NMNAT2: variants seen among roughly 807,000 people sequenced by gnomAD.
The protein encoded by NMNAT2 is nicotinamide nucleotide adenylyltransferase 2.
Under a neutral mutation model 41.6 loss-of-function variants are expected in NMNAT2, and 11 were observed. The observed-to-expected ratio is 0.26, with a 90% CI of 0.17 to 0.44. The LOEUF is 0.44. NMNAT2 is among the 20% of genes least tolerant of loss of function. The pLI is 1.00. For synonymous variants in NMNAT2, 148 were observed against 151.2 expected, an observed-to-expected ratio of 0.98 and a Z score of 0.16; for missense variants, 288 against 407.7, an observed-to-expected ratio of 0.71 and a Z score of 2.53.
At chr1:183,403,058 T>G (rs1229220736) in intron 1 of NMNAT2, among the ~76,000 whole-genome samples, 2 of 151,880 alleles carry the variant, frequency 1.3e-5, no homozygotes, top group African/African-American at 4.8e-5. Flanking sequence ...CTCAGCCTCC[T>G]GAATAGCTGG....
At chr1:183,320,708 C>G (rs1354322275) in intron 1 of NMNAT2, among the ~76,000 whole-genome samples, 7 of 152,176 alleles carry the variant, frequency 4.6e-5, no homozygotes, top group Non-Finnish European at 1.0e-4. Flanking sequence ...TATGTTTTAC[C>G]TGGGTTACAC....
At chr1:183,281,409 C>T (rs1243241122) in intron 7 of NMNAT2, among the ~76,000 whole-genome samples, 1 of 152,160 alleles carries the variant, frequency 6.6e-6, no homozygotes, top group East Asian at 1.9e-4. Flanking sequence ...ACATCTGTTC[C>T]CAAATGTCAA....
intron 1 of NMNAT2, among the ~76,000 whole-genome samples, chr1:183,415,003 G>T (rs1344937929): frequency 1.3e-5 from 2 of 152,098 alleles, no homozygotes; most frequent in Admixed American, 1.3e-4. Flanking sequence ...TTAAGGCAGA[G>T]TCTGGCTGTA....
chr1:183,332,576 G>A (rs2102339546), intron 1 of NMNAT2, among the ~76,000 whole-genome samples: 1 of 152,256 alleles, frequency 6.6e-6, no homozygotes, highest in South Asian at 2.1e-4. Flanking sequence ...GGAACACATG[G>A]GTTGAAAGTG....
At chr1:183,275,752 A>C (rs1661106649) in intron 8 of NMNAT2, among the ~76,000 whole-genome samples, 1 of 152,088 alleles carries the variant, frequency 6.6e-6, no homozygotes, top group African/African-American at 2.4e-5. Context: ...AGCTCACTGC[A>C]ATCTCTGCCT....
intron 1 of NMNAT2, among the ~76,000 whole-genome samples, chr1:183,300,770 C>G (rs1386179333): frequency 6.6e-6 from 1 of 152,226 alleles, no homozygotes; most frequent in Non-Finnish European, 1.5e-5. Context: ...CAGTGGCAAG[C>G]AAGCTGGAGG....
intron 10 of NMNAT2, among the ~76,000 whole-genome samples, chr1:183,258,019 T>G (rs1660564338): frequency 6.6e-6 from 1 of 152,228 alleles, no homozygotes; most frequent in Admixed American, 6.5e-5. Context: ...CCTTAGTTTA[T>G]CCTTTTGGGT....
intron 1 of NMNAT2, among the ~76,000 whole-genome samples, chr1:183,357,538 C>A (rs1663222467): frequency 6.6e-6 from 1 of 152,094 alleles, no homozygotes; most frequent in African/African-American, 2.4e-5. Flanking sequence ...TGAGAGATAT[C>A]AAATTCAATA....
intron 1 of NMNAT2, among the ~76,000 whole-genome samples, chr1:183,338,149 T>TAAAAAAAAAAA (rs59064477): frequency 2.3e-4 from 22 of 96,386 alleles, no homozygotes; most frequent in Admixed American, 5.3e-4. Flanking sequence ...CCCATCTCTT[T>TAAAAAAAAAAA]AAAAAAAAAA....
intron 1 of NMNAT2, among the ~76,000 whole-genome samples, chr1:183,314,787 G>C (rs1662204136): frequency 6.6e-6 from 1 of 152,200 alleles, no homozygotes; most frequent in Admixed American, 6.5e-5. Flanking sequence ...GCTGAGGCAG[G>C]AGCCTTCCTT....
rs149158338 is a variant in NMNAT2, at chr1:183,398,077, A to T, written c.85+20106T>A. ...ACATAACAACATTAACCTTAAATGT[A>T]AATGAGCTAAATGCTCCAATTAAAA... On this transcript the variant is annotated intron_variant, in intron 1 of 10. Coordinates refer to ENST00000287713, the MANE Select transcript of NMNAT2 (RefSeq NM_015039.4). Among the ~76,000 whole-genome samples the T allele has an allele frequency of 8.9e-4, 135 of 152,370 alleles. No homozygotes were observed. In the East Asian group the frequency reaches 0.02, roughly 23 times the overall value.
chr1:183,389,845 G>GAAAGA (rs1648413024), intron 1 of NMNAT2, among the ~76,000 whole-genome samples: 1 of 43,946 alleles, frequency 2.3e-5, no homozygotes, highest in Non-Finnish European at 4.5e-5. Flanking sequence ...AGAAAGAAAG[G>GAAAGA]AAAAAAGAGA....
intron 1 of NMNAT2, among the ~76,000 whole-genome samples, chr1:183,386,949 A>T (rs926907870): frequency 6.6e-6 from 1 of 152,108 alleles, no homozygotes; most frequent in Non-Finnish European, 1.5e-5. Flanking sequence ...TTTGCTCTGG[A>T]AAACTATTAA....
rs1261135652 is a variant in NMNAT2, at chr1:183,293,812, C to A, written c.86-19G>T. ...GCTCTTTCTAATTAAGAGAAGAAACCCACACATTATAAAGAGGAAAGGCAT... is the reference window on the plus strand; with the variant it reads ...GCTCTTTCTAATTAAGAGAAGAAACACACACATTATAAAGAGGAAAGGCAT... On this transcript the variant is annotated intron_variant, in intron 1 of 10. Transcript: ENST00000287713. The A allele has an allele frequency of 1.3e-6, 2 of 1,560,092 alleles. No individual in the cohort carries two copies. Among genetic ancestry groups the A allele is most frequent in the African/African-American group, 2.7e-5 (2 of 73,940 alleles).
intron 7 of NMNAT2, chr1:183,283,180 G>T (rs1407510524): frequency 6.6e-6 from 1 of 152,226 alleles, no homozygotes; most frequent in African/African-American, 2.4e-5. Flanking sequence ...TACCAGGAAG[G>T]GATGCTTGGA....
chr1:183,316,241 G>A (rs1662247236), intron 1 of NMNAT2, among the ~76,000 whole-genome samples: 1 of 152,170 alleles, frequency 6.6e-6, no homozygotes, highest in South Asian at 2.1e-4. Flanking sequence ...TTTTGGCACA[G>A]GTCATGGAGA....
intron 1 of NMNAT2, among the ~76,000 whole-genome samples, chr1:183,344,711 A>C (rs1662888357): frequency 6.6e-6 from 1 of 152,192 alleles, no homozygotes; most frequent in Non-Finnish European, 1.5e-5. Flanking sequence ...AAAGTCTGGA[A>C]ACACTTCCAG....
intron 1 of NMNAT2, among the ~76,000 whole-genome samples, chr1:183,372,720 GA>G (rs562255246): frequency 2.8e-4 from 43 of 152,280 alleles, no homozygotes; most frequent in African/African-American, 1.0e-3. Flanking sequence ...GGAGATTTTG[GA>G]AAGCAGAATC....
chr1:183,256,330 A>G (rs2102275389), intron 10 of NMNAT2, among the ~76,000 whole-genome samples: 1 of 152,172 alleles, frequency 6.6e-6, no homozygotes, highest in Non-Finnish European at 1.5e-5. Context: ...AATCACGTGA[A>G]CCCAGGAGGC....
Sources: gnomAD v4.1 joint callset for allele counts (sites outside exome capture counted in the v4.1 genomes callset) on GRCh38, gnomAD v4.1.1 for gene constraint, MANE v1.5 for transcripts, NCBI Gene and HGNC (gene_info 2026-07-23, HGNC 2026-07-21) for gene names.